HNF4G: variants seen among roughly 807,000 people sequenced by gnomAD.
The protein encoded by HNF4G is hepatocyte nuclear factor 4 gamma, also known as hepatocyte nuclear factor 4-gamma.
In HNF4G, 21 loss-of-function variants were observed where a neutral mutation model predicts 50.9. The ratio of observed to expected loss-of-function variants is 0.41; its 90% CI spans 0.29 to 0.59. The LOEUF (loss-of-function observed/expected upper bound fraction) is 0.59, where lower values mean the gene tolerates loss of function less well. Ranked by LOEUF, HNF4G falls within the 20% of genes least tolerant of loss-of-function variation. The pLI is 0.26. For missense variants in HNF4G, 527 were observed against 559.4 expected, an observed-to-expected ratio of 0.94 and a Z score of 0.58; for synonymous variants, 198 against 185.6, an observed-to-expected ratio of 1.07 and a Z score of -0.54.
rs771904035 is a variant in HNF4G, at chr8:75,473,103, A to T, written c.-143-16986A>T. On this transcript the variant is annotated intron_variant, in intron 1 of 10. Transcript: ENST00000354370. ...GGCGGGTGGATCACAAGGTCAGGAG[A>T]TTGAGACCATCCTGGCTAACATGGT... is the stretch of plus-strand genomic sequence containing the variant. Among the ~76,000 whole-genome samples, 50 of 152,050 alleles carry T rather than the reference A, an allele frequency of 3.3e-4. 1 individual carries two copies. The highest frequency in any genetic ancestry group is 5.3e-4 in the Non-Finnish European group (36 of 67,968).
intron 1 of HNF4G, among the ~76,000 whole-genome samples, chr8:75,439,846 T>G (rs1811233579): frequency 6.6e-6 from 1 of 152,060 alleles, no homozygotes; most frequent in Non-Finnish European, 1.5e-5. Context: ...TTTAGATAAT[T>G]CAGTTTTTAC....
intron 1 of HNF4G, among the ~76,000 whole-genome samples, chr8:75,409,480 C>CT (rs5892492): frequency 0.25 from 17,144 of 67,422 alleles, 2,282 homozygotes; most frequent in African/African-American, 0.31. Context: ...GTGCCTTGTT[C>CT]TTTTTTTTTT....
intron 2 of HNF4G, among the ~76,000 whole-genome samples, chr8:75,520,635 G>C (rs1806014316): frequency 6.6e-6 from 1 of 151,732 alleles, no homozygotes; most frequent in African/African-American, 2.4e-5. Context: ...ACAGGGTTTT[G>C]CCACGATGCC....
At chr8:75,498,827 T>C (rs942388173) in intron 2 of HNF4G, among the ~76,000 whole-genome samples, 1 of 151,948 alleles carries the variant, frequency 6.6e-6, no homozygotes, top group African/African-American at 2.4e-5. Flanking sequence ...AGAAAAAGCA[T>C]TTTACAAAAT....
chr8:75,483,700 T>C (rs1812434656), intron 1 of HNF4G, among the ~76,000 whole-genome samples: 1 of 152,214 alleles, frequency 6.6e-6, no homozygotes, highest in Admixed American at 6.5e-5. Flanking sequence ...TCCGCTCTCT[T>C]AAAACTGAGA....
chr8:75,459,986 T>A (rs1468578158), intron 1 of HNF4G, among the ~76,000 whole-genome samples: 1 of 152,274 alleles, frequency 6.6e-6, no homozygotes, highest in East Asian at 1.9e-4. Flanking sequence ...CATGAGAATT[T>A]GCCTAGTTGT....
chr8:75,538,165 T>A (rs1197232081), upstream of HNF4G, among the ~76,000 whole-genome samples: 1 of 152,142 alleles, frequency 6.6e-6, no homozygotes. Flanking sequence ...ATGAAGAAAA[T>A]AACATAAACT....
At chr8:75,468,066 T>C (rs1812025928) in intron 1 of HNF4G, among the ~76,000 whole-genome samples, 1 of 152,232 alleles carries the variant, frequency 6.6e-6, no homozygotes, top group Admixed American at 6.5e-5. Flanking sequence ...AATAATTATA[T>C]CATTGCAATA....
chr8:75,555,512 G>T (rs556633464), intron 5 of HNF4G, among the ~76,000 whole-genome samples: 1 of 152,004 alleles, frequency 6.6e-6, no homozygotes, highest in African/African-American at 2.4e-5. Context: ...AGTTTATTAC[G>T]TGCAGGAGAT....
intron 1 of HNF4G, among the ~76,000 whole-genome samples, chr8:75,436,773 G>C (rs1381948737): frequency 6.6e-6 from 1 of 152,222 alleles, no homozygotes; most frequent in Non-Finnish European, 1.5e-5. Flanking sequence ...TCCAGGCACA[G>C]TGGCTCACAC....
chr8:75,441,246 C>CT (rs112258720), intron 1 of HNF4G, among the ~76,000 whole-genome samples: 6,665 of 142,146 alleles, frequency 0.047, 387 homozygotes, highest in African/African-American at 0.12. Flanking sequence ...AAGATTAGAA[C>CT]TTTTTTTTTT....
At chr8:75,488,696 G>T (rs917764530) in intron 1 of HNF4G, among the ~76,000 whole-genome samples, 1 of 152,108 alleles carries the variant, frequency 6.6e-6, no homozygotes, top group Non-Finnish European at 1.5e-5. Context: ...AGAGAACTGC[G>T]ATTTACACAG....
chr8:75,463,281 C>T (rs2130611820), intron 1 of HNF4G, among the ~76,000 whole-genome samples: 1 of 152,126 alleles, frequency 6.6e-6, no homozygotes, highest in Non-Finnish European at 1.5e-5. Context: ...AAATCCCAAC[C>T]TCATATTATA....
At chr8:75,535,177 C>A (rs1286510914), upstream of HNF4G, among the ~76,000 whole-genome samples, 1 of 151,720 alleles carries the variant, frequency 6.6e-6, no homozygotes, top group Non-Finnish European at 1.5e-5. Flanking sequence ...TTTCAAACTT[C>A]TTTGTATATA....
At chr8:75,530,821 C>T (rs1341568487) in intron 2 of HNF4G, among the ~76,000 whole-genome samples, 1 of 126,286 alleles carries the variant, frequency 7.9e-6, no homozygotes, top group African/African-American at 3.3e-5. Context: ...GAGACAGGGT[C>T]TCACTCTGTC....
rs1563541729 is a variant in HNF4G, at chr8:75,528,002, C to CTTGG, written c.-23-15809_-23-15808insTTGG. On this transcript the variant is annotated intron_variant, in intron 2 of 10. Coordinates refer to the HNF4G transcript ENST00000354370. ...TGTCTTTCTGAAATCTTGAATAAAG[C>CTTGG]CTTTAAACCTGATGGCAATACCTTT... 1.2e-4 allele frequency among the ~76,000 whole-genome samples: 19 copies of CTTGG among 152,112 alleles called. No individual in the cohort carries two copies. In the East Asian group the frequency reaches 1.4e-3, roughly 11 times the overall value.
chr8:75,411,170 C>T (rs991383706), intron 1 of HNF4G, among the ~76,000 whole-genome samples: 2 of 152,176 alleles, frequency 1.3e-5, no homozygotes, highest in Admixed American at 6.5e-5. Flanking sequence ...AGCTCTAGGT[C>T]GTGAACGTAA....
At chr8:75,411,578 G>A (rs902829178) in intron 1 of HNF4G, among the ~76,000 whole-genome samples, 7 of 152,134 alleles carry the variant, frequency 4.6e-5, no homozygotes, top group African/African-American at 1.2e-4. Flanking sequence ...ATGTTCCCCT[G>A]AAAACCTTTT....
intron 2 of HNF4G, among the ~76,000 whole-genome samples, chr8:75,503,143 A>C (rs769116531): frequency 1.8e-4 from 28 of 152,190 alleles, no homozygotes; most frequent in Non-Finnish European, 3.2e-4. Context: ...CAAATATTAA[A>C]AACAATTTTC....
Sources: allele counts gnomAD v4.1 joint callset (sites outside exome capture counted in the v4.1 genomes callset), GRCh38; gene constraint gnomAD v4.1.1; transcripts MANE v1.5; gene names NCBI Gene and HGNC (gene_info 2026-07-23, HGNC 2026-07-21).